The following TFB1M variants were observed in gnomAD, a reference collection of about 807,000 sequenced individuals.
TFB1M encodes dimethyladenosine transferase 1, mitochondrial.
A neutral mutation model predicts 31.1 loss-of-function variants in TFB1M; 27 were observed. The observed-to-expected ratio is 0.87, with a 90% CI of 0.64 to 1.20. The LOEUF is 1.20. TFB1M is among the 50% of genes most tolerant of loss of function. The pLI is 0.00. For missense variants in TFB1M, 394 were observed against 418.7 expected, an observed-to-expected ratio of 0.94 and a Z score of 0.51; for synonymous variants, 166 against 151.8, an observed-to-expected ratio of 1.09 and a Z score of -0.69.
intron 4 of TFB1M, among the ~76,000 whole-genome samples, chr6:155,295,011 G>A (rs1333101418): frequency 2.6e-5 from 4 of 152,176 alleles, no homozygotes; most frequent in African/African-American, 9.7e-5. Context: ...TACAAAGAAT[G>A]TTCAGGATAA....
chr6:155,244,132 T>G, the TFB1M span: 1 of 1,532,518 alleles, frequency 6.5e-7, no homozygotes, highest in South Asian at 1.1e-5. Context: ...AGTCTCTGTT[T>G]GCCTTTTAGC....
downstream of TFB1M, chr6:155,252,820 C>T (rs1783748866): frequency 1.3e-6 from 1 of 762,542 alleles, no homozygotes; most frequent in Admixed American, 2.4e-5. Flanking sequence ...ACTTCTGTGC[C>T]CTGAACACCC....
At chr6:155,232,268 G>GT in the TFB1M span, among the ~76,000 whole-genome samples, 10,716 of 148,910 alleles carry the variant, frequency 0.072, 1,279 homozygotes, top group African/African-American at 0.25. Flanking sequence ...AATTTTTAGT[G>GT]TTTTTTTTTT....
chr6:155,240,910 A>T, the TFB1M span, among the ~76,000 whole-genome samples: 1 of 152,224 alleles, frequency 6.6e-6, no homozygotes, highest in Non-Finnish European at 1.5e-5. Context: ...TCAGAAAAAA[A>T]TTAGATCCTT....
chr6:155,284,785 TTTAG>T (rs1776547968), intron 5 of TFB1M, among the ~76,000 whole-genome samples: 1 of 152,238 alleles, frequency 6.6e-6, no homozygotes, highest in Non-Finnish European at 1.5e-5. Context: ...TTGATGTAGC[TTTAG>T]TTAGAGGTCT....
At chr6:155,233,454 C>T in the TFB1M span, among the ~76,000 whole-genome samples, 75 of 152,230 alleles carry the variant, frequency 4.9e-4, no homozygotes, top group Middle Eastern at 3.4e-3. Context: ...AGGGTCTGGG[C>T]GAGCTGCTTG....
intron 5 of TFB1M, chr6:155,275,582 T>A: frequency 1.2e-6 from 1 of 815,728 alleles, no homozygotes; most frequent in South Asian, 1.7e-5. Flanking sequence ...CTTACTTTCT[T>A]TCGCTCAATC....
chr6:155,302,415 T>C (rs1475269053), intron 2 of TFB1M, among the ~76,000 whole-genome samples: 1 of 152,176 alleles, frequency 6.6e-6, no homozygotes, highest in African/African-American at 2.4e-5. Flanking sequence ...ATATAACACA[T>C]ATAAAAGACT....
At chr6:155,274,053 C>T (rs1785059162) in intron 5 of TFB1M, among the ~76,000 whole-genome samples, 1 of 152,126 alleles carries the variant, frequency 6.6e-6, no homozygotes, top group South Asian at 2.1e-4. Context: ...ACTTATTTAA[C>T]CCTATGAACG....
intron 4 of TFB1M, among the ~76,000 whole-genome samples, chr6:155,292,912 T>C (rs926437821): frequency 6.6e-6 from 1 of 152,100 alleles, no homozygotes; most frequent in African/African-American, 2.4e-5. Context: ...TCACTGTAAT[T>C]TGATCTCCTG....
chr6:155,285,128 A>G (rs370010087), intron 5 of TFB1M, 30 bp downstream of exon 5: 2 of 1,613,052 alleles, frequency 1.2e-6, no homozygotes, highest in Non-Finnish European at 1.7e-6. Context: ...CCTAATTCCG[A>G]TATACTACAA....
At chr6:155,241,679 C>G in the TFB1M span, among the ~76,000 whole-genome samples, 3 of 152,184 alleles carry the variant, frequency 2.0e-5, no homozygotes, top group Non-Finnish European at 4.4e-5. Context: ...TCCCAAAGCC[C>G]CTTCTTTTGG....
At position 155,296,959 on chromosome 6, in the gene TFB1M, C is replaced by A. The variant is rs753620976; in HGVS notation, c.540G>T (p.Val180=). The part of the protein sequence containing the change: ...TQMTLTFQKE[V]AERLAANTGS... ...ACAAAATGTTAAAACTTACCTCTGC[C>A]ACTTCCTTTTGAAAAGTCAAAGTCA... is the stretch of plus-strand genomic sequence containing the variant. Residue 180 remains valine, a synonymous_variant, in exon 4 of 7, where the codon GTG becomes GTT. Transcript: ENST00000367166. 6.2e-7 allele frequency: 1 copy of A among 1,613,802 alleles called. No homozygotes were observed. Among genetic ancestry groups the A allele is most frequent in the East Asian group, 2.2e-5 (1 of 44,836 alleles).
chr6:155,262,263 G>A (rs768404315), intron 5 of TFB1M, among the ~76,000 whole-genome samples: 3 of 152,124 alleles, frequency 2.0e-5, no homozygotes, highest in Non-Finnish European at 2.9e-5. Context: ...CAGAGTGCAG[G>A]CAGCAGCCCA....
chr6:155,285,058 T>C, intron 5 of TFB1M, 100 bp downstream of exon 5: 1 of 1,496,494 alleles, frequency 6.7e-7, no homozygotes, highest in African/African-American at 1.4e-5. Context: ...AGTTTGCACA[T>C]AAACAAAGGT....
At chr6:155,275,596 GTTTTGCCT>G in intron 5 of TFB1M, 1 of 951,234 alleles carries the variant, frequency 1.1e-6, no homozygotes, top group Admixed American at 2.3e-5. Context: ...CTCAATCCTG[GTTTTGCCT>G]TTTTTCCTTA....
chr6:155,305,149 T>A (rs1354457678), intron 2 of TFB1M, among the ~76,000 whole-genome samples: 9 of 109,106 alleles, frequency 8.2e-5, no homozygotes, highest in South Asian at 2.5e-4. Flanking sequence ...TTTATATATA[T>A]AAATATATAT....
chr6:155,296,700 G>A (rs1777190910), intron 4 of TFB1M, among the ~76,000 whole-genome samples: 1 of 152,130 alleles, frequency 6.6e-6, no homozygotes, highest in African/African-American at 2.4e-5. Context: ...GGCATCGATG[G>A]CTGTTGCATC....
At chr6:155,311,089 A>T (rs1256120777) in intron 2 of TFB1M, 99 bp downstream of exon 2, 7 of 1,372,272 alleles carry the variant, frequency 5.1e-6, no homozygotes, top group Non-Finnish European at 7.2e-6. Flanking sequence ...GTTGAGGAAA[A>T]ACCTACATAA....
Sources: allele counts gnomAD v4.1 joint callset (sites outside exome capture counted in the v4.1 genomes callset), GRCh38; gene constraint gnomAD v4.1.1; transcripts MANE v1.5; gene names NCBI Gene and HGNC (gene_info 2026-07-23, HGNC 2026-07-21).